MEOX2: variants seen among roughly 807,000 people sequenced by gnomAD.
The protein encoded by MEOX2 is mesenchyme homeobox 2, also known as homeobox protein MOX-2.
In MEOX2, 11 loss-of-function variants were observed where a neutral mutation model predicts 27.0. That is an observed-to-expected ratio of 0.41 (90% CI 0.26 to 0.68). MEOX2 has a LOEUF of 0.68. Among genes scored for constraint, MEOX2 ranks in the 30% least tolerant of loss-of-function variants. MEOX2 has a pLI of 0.33. For missense variants in MEOX2, 436 were observed against 385.4 expected (o/e 1.13, Z -1.10); for synonymous variants, 189 against 155.4 (o/e 1.22, Z -1.61).
intron 1 of MEOX2, among the ~76,000 whole-genome samples, chr7:15,649,103 A>G (rs1781693438): frequency 1.3e-5 from 2 of 152,094 alleles, no homozygotes; most frequent in Admixed American, 1.3e-4. Context: ...AAAATGGGAA[A>G]TTCTGCAATA....
chr7:15,617,350 A>G lies in MEOX2; in HGVS notation c.691-4739T>C, dbSNP rs537030653. Among the ~76,000 whole-genome samples, 5 of 152,142 alleles carry G rather than the reference A, an allele frequency of 3.3e-5. No homozygotes were observed. In the South Asian group the frequency reaches 1.0e-3, roughly 32 times the overall value. ...GAAAACATGCAAAGGATAATTGTAC[A>G]AATAAAATTTTCAGATTTGATCACA... On this transcript the variant is annotated intron_variant, in intron 2 of 2. Transcript: ENST00000262041.
At chr7:15,625,625 A>G (rs1781291370) in intron 2 of MEOX2, among the ~76,000 whole-genome samples, 1 of 152,186 alleles carries the variant, frequency 6.6e-6, no homozygotes, top group Non-Finnish European at 1.5e-5. Context: ...TGGAGGAGGT[A>G]CACACAGTGA....
chr7:15,661,435 T>G (rs957390698), intron 1 of MEOX2, among the ~76,000 whole-genome samples: 1 of 152,214 alleles, frequency 6.6e-6, no homozygotes, highest in Admixed American at 6.5e-5. Context: ...AATAGCTACC[T>G]ACATAAACTA....
chr7:15,653,187 T>C (rs1442504782), intron 1 of MEOX2, among the ~76,000 whole-genome samples: 1 of 151,890 alleles, frequency 6.6e-6, no homozygotes, highest in Admixed American at 6.6e-5. Context: ...GATGGCTGTG[T>C]AGTGTCATAA....
chr7:15,661,301 A>C (rs1157896933), intron 1 of MEOX2, among the ~76,000 whole-genome samples: 1 of 152,128 alleles, frequency 6.6e-6, no homozygotes, highest in Non-Finnish European at 1.5e-5. Context: ...AACCGTATTC[A>C]CTCACATCTC....
At chr7:15,624,679 AG>A (rs1484745259) in intron 2 of MEOX2, among the ~76,000 whole-genome samples, 1 of 152,126 alleles carries the variant, frequency 6.6e-6, no homozygotes, top group Non-Finnish European at 1.5e-5. Flanking sequence ...GGTTCCATGT[AG>A]GGCCAGCAGT....
At chr7:15,639,126 T>A (rs1781525163) in intron 1 of MEOX2, among the ~76,000 whole-genome samples, 1 of 151,954 alleles carries the variant, frequency 6.6e-6, no homozygotes, top group Non-Finnish European at 1.5e-5. Context: ...TTTCTCCACA[T>A]CCTCACCATC....
At chr7:15,654,035 A>T (rs538749637) in intron 1 of MEOX2, among the ~76,000 whole-genome samples, 12 of 152,074 alleles carry the variant, frequency 7.9e-5, no homozygotes, top group Admixed American at 3.9e-4. Context: ...TTTCCAGTCC[A>T]TAAACACAAT....
chr7:15,684,018 T>TA (rs1016382131), intron 1 of MEOX2, among the ~76,000 whole-genome samples: 3 of 152,104 alleles, frequency 2.0e-5, no homozygotes, highest in African/African-American at 4.8e-5. Context: ...TTCCATTTTT[T>TA]AAAAAAATTA....
intron 1 of MEOX2, among the ~76,000 whole-genome samples, chr7:15,674,570 G>GTGTT (rs1463824770): frequency 8.5e-5 from 13 of 152,068 alleles, no homozygotes; most frequent in African/African-American, 3.1e-4. Context: ...GTGTGTGTGT[G>GTGTT]TGTGTGTGTG....
intron 2 of MEOX2, among the ~76,000 whole-genome samples, chr7:15,613,792 A>G (rs1781073475): frequency 6.6e-6 from 1 of 152,108 alleles, no homozygotes; most frequent in African/African-American, 2.4e-5. Context: ...TAATATTCCA[A>G]ATTCTGTCAA....
intron 1 of MEOX2, among the ~76,000 whole-genome samples, chr7:15,643,344 G>C (rs922272658): frequency 6.6e-6 from 1 of 152,152 alleles, no homozygotes; most frequent in African/African-American, 2.4e-5. Context: ...GCTGGGTGAC[G>C]CTGGGTCAGG....
intron 1 of MEOX2, among the ~76,000 whole-genome samples, chr7:15,632,947 T>G (rs1450468641): frequency 1.3e-5 from 2 of 152,104 alleles, no homozygotes; most frequent in South Asian, 4.1e-4. Flanking sequence ...GGTCATCATT[T>G]GCACCTACAG....
At chr7:15,654,233 T>C (rs1358858482) in intron 1 of MEOX2, among the ~76,000 whole-genome samples, 2 of 151,968 alleles carry the variant, frequency 1.3e-5, no homozygotes, top group African/African-American at 2.4e-5. Context: ...TAAAATTATG[T>C]AATTTTTGTA....
In MEOX2 at chr7:15,686,107, G is replaced by A; in HGVS notation, c.296C>T (p.Ser99Phe). ...QTNWHLPQMS[S>F]PPSAARHSLC... ...GCTGTGCCGAGCCGCACTCGGTGGGGAAGACATCTGCGGGAGGTGCCAGTT... is the reference window on the plus strand; with the variant it reads ...GCTGTGCCGAGCCGCACTCGGTGGGAAAGACATCTGCGGGAGGTGCCAGTT... Residue 99 changes from serine to phenylalanine, a missense_variant, in exon 1 of 3, where the codon TCC (serine) becomes TTC (phenylalanine). Transcript: ENST00000262041. 1 of 1,583,730 alleles carries A rather than the reference G, an allele frequency of 6.3e-7. No homozygotes were observed. The highest frequency in any genetic ancestry group is 8.6e-7 in the Non-Finnish European group (1 of 1,166,008).
chr7:15,613,242 A>G (rs1246494985), intron 2 of MEOX2, among the ~76,000 whole-genome samples: 1 of 152,196 alleles, frequency 6.6e-6, no homozygotes, highest in African/African-American at 2.4e-5. Context: ...ACAATAAAAA[A>G]TTCTCAACAT....
At chr7:15,655,453 A>T (rs1781803897) in intron 1 of MEOX2, among the ~76,000 whole-genome samples, 1 of 151,214 alleles carries the variant, frequency 6.6e-6, no homozygotes, top group Non-Finnish European at 1.5e-5. Flanking sequence ...TTTTGTCTAG[A>T]CGAGAGATTA....
intron 2 of MEOX2, among the ~76,000 whole-genome samples, chr7:15,616,965 G>A (rs1781133303): frequency 6.6e-6 from 1 of 151,984 alleles, no homozygotes; most frequent in African/African-American, 2.4e-5. Flanking sequence ...CCTTTACCAT[G>A]TAAGTTCACA....
At position 15,658,086 on chromosome 7, in the gene MEOX2, G is replaced by A. The variant is rs115329369; in HGVS notation, c.517+27800C>T. 5.2e-3 allele frequency among the ~76,000 whole-genome samples: 790 copies of A among 152,336 alleles called. 5 individuals are homozygous for A. The highest frequency in any genetic ancestry group is 0.018 in the African/African-American group (747 of 41,584). Reference sequence around the variant, plus strand: ...TAACTTTTTACTAATACCACGGAGTGGGTAGGTGGAGTCGTCCTCGTTAAC... The same window carrying A: ...TAACTTTTTACTAATACCACGGAGTAGGTAGGTGGAGTCGTCCTCGTTAAC... On this transcript the variant is annotated intron_variant, in intron 1 of 2. Transcript: ENST00000262041.
Sources: allele counts gnomAD v4.1 joint callset (sites outside exome capture counted in the v4.1 genomes callset), GRCh38; gene constraint gnomAD v4.1.1; transcripts MANE v1.5; gene names NCBI Gene and HGNC (gene_info 2026-07-23, HGNC 2026-07-21).